Variants in ATP11A observed in about 807,000 individuals in gnomAD.
The protein encoded by ATP11A is ATPase phospholipid transporting 11A.
Under a neutral mutation model 154.4 loss-of-function variants are expected in ATP11A, and 81 were observed. The ratio of observed to expected loss-of-function variants is 0.52; its 90% CI spans 0.44 to 0.63. The LOEUF is 0.63. Among genes scored for constraint, ATP11A ranks in the 30% least tolerant of loss-of-function variants. The probability of loss-of-function intolerance (pLI) is 0.00; values close to 1 mark genes in which losing one functional copy is unlikely to be tolerated. For missense variants in ATP11A, 1,316 were observed against 1,474.3 expected (o/e 0.89, Z 1.76); for synonymous variants, 623 against 585.9 (o/e 1.06, Z -0.91).
At chr13:112,843,251 G>C (rs900174448) in intron 17 of ATP11A, among the ~76,000 whole-genome samples, 1 of 151,674 alleles carries the variant, frequency 6.6e-6, no homozygotes, top group African/African-American at 2.4e-5. Flanking sequence ...ACTCCCTCCT[G>C]TCAGACGTCC....
At chr13:112,855,212 G>A (rs748711345) in intron 19 of ATP11A, among the ~76,000 whole-genome samples, 1 of 152,070 alleles carries the variant, frequency 6.6e-6, no homozygotes, top group Non-Finnish European at 1.5e-5. Context: ...GTTGTTTTTT[G>A]TTTTTTGTTT....
intron 1 of ATP11A, among the ~76,000 whole-genome samples, chr13:112,720,053 A>G (rs1219494664): frequency 6.6e-6 from 1 of 152,238 alleles, no homozygotes. Flanking sequence ...CAAATACATT[A>G]ATGACCATTC....
At chr13:112,751,682 A>C (rs549352159) in intron 1 of ATP11A, among the ~76,000 whole-genome samples, 2 of 150,350 alleles carry the variant, frequency 1.3e-5, no homozygotes, top group Admixed American at 6.5e-5. Context: ...ACAAAACAAA[A>C]AAAAAAACAG....
Position 112,775,360 on chromosome 13 carries a change from A to C in ATP11A, c.40-9775A>C, listed in dbSNP as rs140081467. 5.6e-3 allele frequency among the ~76,000 whole-genome samples: 846 copies of C among 152,246 alleles called. 7 individuals carry two copies. The highest frequency in any genetic ancestry group is 0.018 in the African/African-American group (763 of 41,562). ...TCCTTCCTACCACACAGCGGGAGGCATGGGATGCACACAGGCGGGCTTCCA... is the reference window on the plus strand; with the variant it reads ...TCCTTCCTACCACACAGCGGGAGGCCTGGGATGCACACAGGCGGGCTTCCA... On this transcript the variant is annotated intron_variant, in intron 1 of 29. Transcript: ENST00000375645.
chr13:112,702,087 T>TGGTGCGATGG (rs1276303003), intron 1 of ATP11A, among the ~76,000 whole-genome samples: 1 of 151,962 alleles, frequency 6.6e-6, no homozygotes, highest in Non-Finnish European at 1.5e-5. Context: ...GGGTCAAGCC[T>TGGTGCGATGG]GTAATCCCAG....
At chr13:112,872,023 C>T (rs1255989121) in intron 26 of ATP11A, among the ~76,000 whole-genome samples, 1 of 152,156 alleles carries the variant, frequency 6.6e-6, no homozygotes, top group Non-Finnish European at 1.5e-5. Flanking sequence ...CATGTGCAAA[C>T]CCCAGAGCTA....
At chr13:112,831,989 C>A (rs34729118) in intron 13 of ATP11A, among the ~76,000 whole-genome samples, 2 of 151,666 alleles carry the variant, frequency 1.3e-5, no homozygotes, top group Non-Finnish European at 2.9e-5. Flanking sequence ...ACCGTGTGCA[C>A]ACACAGACAC....
At chr13:112,837,982 G>A (rs192933623) in intron 16 of ATP11A, among the ~76,000 whole-genome samples, 1 of 152,230 alleles carries the variant, frequency 6.6e-6, no homozygotes, top group African/African-American at 2.4e-5. Flanking sequence ...CAGTCCCACT[G>A]TGTCACACAG....
At chr13:112,805,591 A>G (rs9550215) in intron 3 of ATP11A, among the ~76,000 whole-genome samples, 101,925 of 150,382 alleles carry the variant, frequency 0.68, 35,034 homozygotes, top group African/African-American at 0.79. Context: ...CAGGAGAATC[A>G]CTTGATCCCA....
chr13:112,841,425 T>A (rs1303424521), intron 16 of ATP11A, among the ~76,000 whole-genome samples: 3 of 93,720 alleles, frequency 3.2e-5, no homozygotes, highest in African/African-American at 8.3e-5. Flanking sequence ...GGCTTCGCCG[T>A]CCAGGGATGC....
intron 26 of ATP11A, among the ~76,000 whole-genome samples, chr13:112,872,432 A>G (rs1372403695): frequency 1.3e-5 from 2 of 152,206 alleles, no homozygotes; most frequent in African/African-American, 4.8e-5. Context: ...CCAACATGGC[A>G]AAACCCCATC....
At chr13:112,709,708 A>G (rs539997421) in intron 1 of ATP11A, among the ~76,000 whole-genome samples, 1 of 114,204 alleles carries the variant, frequency 8.8e-6, no homozygotes, top group South Asian at 4.0e-4. Flanking sequence ...AACCAAACCA[A>G]TGTATTTCTT....
intron 11 of ATP11A, 106 bp downstream of exon 11, chr13:112,825,686 G>A (rs1259475487): frequency 2.0e-5 from 26 of 1,332,862 alleles, no homozygotes; most frequent in Non-Finnish European, 4.1e-6. Context: ...TAGGCAAAAA[G>A]CAGCTTGATT....
At chr13:112,767,550 G>A (rs556902639) in intron 1 of ATP11A, among the ~76,000 whole-genome samples, 9 of 152,078 alleles carry the variant, frequency 5.9e-5, no homozygotes, top group Non-Finnish European at 8.8e-5. Context: ...GAGGATGTGG[G>A]GGTGCTGTTG....
At chr13:112,798,617 G>A (rs1045771867) in intron 2 of ATP11A, among the ~76,000 whole-genome samples, 7 of 152,194 alleles carry the variant, frequency 4.6e-5, no homozygotes, top group African/African-American at 1.4e-4. Context: ...GAGAGTGGGC[G>A]TATATTGTGG....
At chr13:112,804,446 C>T (rs759192182) in intron 2 of ATP11A, among the ~76,000 whole-genome samples, 1 of 25,110 alleles carries the variant, frequency 4.0e-5, no homozygotes, top group Non-Finnish European at 7.7e-5. Flanking sequence ...CCTCCCTCCC[C>T]CCCATCCCCT....
At chr13:112,787,843 C>CG (rs2077693747) in intron 2 of ATP11A, among the ~76,000 whole-genome samples, 2 of 142,764 alleles carry the variant, frequency 1.4e-5, no homozygotes, top group African/African-American at 5.3e-5. Flanking sequence ...TAATTCACAC[C>CG]GGTGTCCTGA....
intron 1 of ATP11A, among the ~76,000 whole-genome samples, chr13:112,743,562 T>C (rs1338090041): frequency 6.6e-6 from 1 of 151,178 alleles, no homozygotes; most frequent in African/African-American, 2.4e-5. Flanking sequence ...GTGTAGATGC[T>C]GTAGGTTCCT....
chr13:112,713,109 A>G (rs1053916696), intron 1 of ATP11A, among the ~76,000 whole-genome samples: 1 of 152,226 alleles, frequency 6.6e-6, no homozygotes, highest in Non-Finnish European at 1.5e-5. Flanking sequence ...ATTCTAAAAC[A>G]TGGAGGGCTG....
Sources: gnomAD v4.1 joint callset for allele counts (sites outside exome capture counted in the v4.1 genomes callset) on GRCh38, gnomAD v4.1.1 for gene constraint, MANE v1.5 for transcripts, NCBI Gene and HGNC (gene_info 2026-07-23, HGNC 2026-07-21) for gene names.